EYS: variants seen among roughly 807,000 people sequenced by gnomAD.
EYS encodes EGF-like photoreceptor maintenance factor.
EYS carries 250 observed loss-of-function variants against 282.1 expected under a neutral mutation model. The ratio of observed to expected loss-of-function variants is 0.89; its 90% CI spans 0.80 to 0.98. The LOEUF (loss-of-function observed/expected upper bound fraction) is 0.98. Ranked by LOEUF, EYS falls within the 50% of genes least tolerant of loss-of-function variation. EYS has a pLI of 0.00. For missense variants in EYS, 4,016 were observed against 3,709.0 expected, an observed-to-expected ratio of 1.08 and a Z score of -2.15; for synonymous variants, 1,355 against 1,282.9, an observed-to-expected ratio of 1.06 and a Z score of -1.20.
At chr6:65,388,780 C>CT (rs1419415208) in intron 7 of EYS, among the ~76,000 whole-genome samples, 2 of 152,008 alleles carry the variant, frequency 1.3e-5, no homozygotes, top group African/African-American at 4.8e-5. Context: ...CATATATATT[C>CT]TTTTTTGTGG....
chr6:63,815,166 A>G (rs1314362377), intron 36 of EYS, among the ~76,000 whole-genome samples: 1 of 152,206 alleles, frequency 6.6e-6, no homozygotes, highest in Admixed American at 6.5e-5. Context: ...AAAATATTAA[A>G]AATAGCAATT....
intron 26 of EYS, among the ~76,000 whole-genome samples, chr6:64,578,356 C>T (rs1765948730): frequency 6.6e-6 from 1 of 152,096 alleles, no homozygotes. Flanking sequence ...CTGATGATCC[C>T]AGAAAATGTC....
chr6:64,708,772 G>A (rs1771113967), intron 22 of EYS, among the ~76,000 whole-genome samples: 1 of 152,108 alleles, frequency 6.6e-6, no homozygotes, highest in Non-Finnish European at 1.5e-5. Context: ...GCATTGTCCT[G>A]GAAACAAGGA....
chr6:64,632,003 G>C (rs35822041), intron 22 of EYS, among the ~76,000 whole-genome samples: 2,192 of 151,546 alleles, frequency 0.014, 32 homozygotes, highest in Non-Finnish European at 0.02. Flanking sequence ...TATCCCATTT[G>C]CTGGGCTTTG....
At chr6:65,256,987 T>C (rs1767485522) in intron 12 of EYS, among the ~76,000 whole-genome samples, 1 of 24,146 alleles carries the variant, frequency 4.1e-5, no homozygotes, top group Non-Finnish European at 7.0e-5. Flanking sequence ...TGATATCTCA[T>C]AGTGGTTTTG....
intron 22 of EYS, among the ~76,000 whole-genome samples, chr6:64,709,103 T>C (rs1771124587): frequency 6.6e-6 from 1 of 152,194 alleles, no homozygotes; most frequent in Non-Finnish European, 1.5e-5. Flanking sequence ...ATAATATGTT[T>C]TTAAAAAGTC....
intron 37 of EYS, among the ~76,000 whole-genome samples, chr6:63,804,616 C>T (rs1770858233): frequency 6.6e-6 from 1 of 152,126 alleles, no homozygotes. Flanking sequence ...GGAAGAAGAG[C>T]TGTAGGAGAA....
At chr6:64,053,160 A>G (rs572147466) in intron 33 of EYS, among the ~76,000 whole-genome samples, 1 of 152,248 alleles carries the variant, frequency 6.6e-6, no homozygotes, top group South Asian at 2.1e-4. Flanking sequence ...TATAGATGAC[A>G]TACCAATTGC....
intron 35 of EYS, among the ~76,000 whole-genome samples, chr6:63,910,058 G>A (rs1359689230): frequency 6.6e-6 from 1 of 152,178 alleles, no homozygotes; most frequent in Non-Finnish European, 1.5e-5. Context: ...GTGGACGAAG[G>A]AGGAAGAGGA....
At chr6:64,746,372 A>G (rs1772556106) in intron 22 of EYS, among the ~76,000 whole-genome samples, 1 of 151,988 alleles carries the variant, frequency 6.6e-6, no homozygotes, top group Non-Finnish European at 1.5e-5. Context: ...ACCATGAGAT[A>G]ATGTAGCAGG....
chr6:64,340,191 A>G (rs1034041281), intron 29 of EYS, among the ~76,000 whole-genome samples: 2 of 138,000 alleles, frequency 1.4e-5, no homozygotes, highest in African/African-American at 5.4e-5. Flanking sequence ...GTGTGTGTGT[A>G]AAAAAAAAAA....
At chr6:65,183,781 A>T (rs1011621411) in intron 12 of EYS, among the ~76,000 whole-genome samples, 1 of 151,890 alleles carries the variant, frequency 6.6e-6, no homozygotes, top group Non-Finnish European at 1.5e-5. Context: ...AAATAGGAAG[A>T]TTAGGATTAG....
chr6:65,399,443 A>G (rs1766410362), intron 7 of EYS, among the ~76,000 whole-genome samples: 1 of 152,054 alleles, frequency 6.6e-6, no homozygotes, highest in African/African-American at 2.4e-5. Context: ...AATATTCTAT[A>G]CATAGCATAG....
chr6:64,807,414 G>A (rs1470082678), intron 22 of EYS, among the ~76,000 whole-genome samples: 1 of 151,996 alleles, frequency 6.6e-6, no homozygotes, highest in Non-Finnish European at 1.5e-5. Context: ...GACACTAAAG[G>A]TAATCTCTGT....
intron 26 of EYS, among the ~76,000 whole-genome samples, chr6:64,508,557 A>T (rs929054714): frequency 7.7e-6 from 1 of 129,848 alleles, no homozygotes; most frequent in Non-Finnish European, 1.5e-5. Flanking sequence ...AGTATTTATT[A>T]TTATTATTAT....
At chr6:64,373,766 T>G (rs1008295813) in intron 29 of EYS, among the ~76,000 whole-genome samples, 1 of 152,186 alleles carries the variant, frequency 6.6e-6, no homozygotes. Flanking sequence ...GCCAGCTAAG[T>G]TCCCATAGAA....
chr6:65,151,799 G>A (rs974280989), intron 12 of EYS, among the ~76,000 whole-genome samples: 1 of 151,732 alleles, frequency 6.6e-6, no homozygotes, highest in African/African-American at 2.4e-5. Flanking sequence ...TTTGGACATA[G>A]TCTCTTAATA....
chr6:64,641,131 A>C (rs901425124), intron 22 of EYS, among the ~76,000 whole-genome samples: 1 of 152,196 alleles, frequency 6.6e-6, no homozygotes, highest in African/African-American at 2.4e-5. Flanking sequence ...CAATTTACAA[A>C]AGAAACAGGT....
In EYS at chr6:65,290,893, T is replaced by G. The variant is rs953275895; in HGVS notation, c.2023+4970A>C. ...TCTCCTTAATATCAAGCCATCACCA[T>G]GTTTAATGATAGTGAAATCTAAAGT... is the stretch of plus-strand genomic sequence containing the variant. On this transcript the variant is annotated intron_variant, in intron 12 of 42. Transcript: ENST00000503581. 3.3e-5 allele frequency among the ~76,000 whole-genome samples: 5 copies of G among 151,344 alleles called. No individual in the cohort carries two copies. In the Admixed American group the frequency reaches 3.3e-4, roughly 10 times the overall value.
Sources: allele counts gnomAD v4.1 joint callset (sites outside exome capture counted in the v4.1 genomes callset), GRCh38; gene constraint gnomAD v4.1.1; transcripts MANE v1.5; gene names NCBI Gene and HGNC (gene_info 2026-07-23, HGNC 2026-07-21).